GSK3B: variants seen among roughly 807,000 people sequenced by gnomAD.
GSK3B encodes glycogen synthase kinase-3 beta.
In GSK3B, 15 loss-of-function variants were observed where a neutral mutation model predicts 56.4. The observed-to-expected ratio is 0.27, with a 90% CI of 0.18 to 0.41. GSK3B has a LOEUF of 0.41. Among genes scored for constraint, GSK3B ranks in the 10% least tolerant of loss-of-function variants. GSK3B has a pLI of 1.00. For synonymous variants in GSK3B, 181 were observed against 188.9 expected, an observed-to-expected ratio of 0.96 and a Z score of 0.34; for missense variants, 300 against 513.4, an observed-to-expected ratio of 0.58 and a Z score of 4.02.
At chr3:120,069,926 A>T (rs762034334) in intron 1 of GSK3B, among the ~76,000 whole-genome samples, 2 of 152,190 alleles carry the variant, frequency 1.3e-5, no homozygotes, top group African/African-American at 2.4e-5. Context: ...AAATAAATAT[A>T]GGGGAAGGCC....
intron 2 of GSK3B, among the ~76,000 whole-genome samples, chr3:119,969,334 T>C (rs911449082): frequency 1.3e-5 from 2 of 151,688 alleles, no homozygotes; most frequent in Non-Finnish European, 2.9e-5. Context: ...ATAAAACTGT[T>C]ACCAAAAAAG....
chr3:119,965,646 A>G (rs985347483), intron 2 of GSK3B, among the ~76,000 whole-genome samples: 1 of 152,200 alleles, frequency 6.6e-6, no homozygotes, highest in South Asian at 2.1e-4. Context: ...CATCGAAAAC[A>G]CTTTCCATCT....
intron 9 of GSK3B, among the ~76,000 whole-genome samples, chr3:119,856,312 T>C (rs2056022383): frequency 6.6e-6 from 1 of 152,226 alleles, no homozygotes; most frequent in Non-Finnish European, 1.5e-5. Context: ...TTTACTGTCT[T>C]GGTTATATAT....
At chr3:119,838,854 C>A (rs1249806590) in intron 10 of GSK3B, among the ~76,000 whole-genome samples, 1 of 152,216 alleles carries the variant, frequency 6.6e-6, no homozygotes, top group African/African-American at 2.4e-5. Context: ...AGTGGAATTA[C>A]TGAACTAAAA....
chr3:120,051,672 C>T (rs746368251), intron 1 of GSK3B, among the ~76,000 whole-genome samples: 1 of 151,092 alleles, frequency 6.6e-6, no homozygotes, highest in Non-Finnish European at 1.5e-5. Flanking sequence ...GAGGCTGAGG[C>T]ACGAGAATCA....
chr3:119,932,157 T>C lies in GSK3B; in HGVS notation c.367-8674A>G, dbSNP rs149705488. ...TTTTAATAGAATCATGATATAATTT[T>C]AAAAATCTGATGTAATGCAATACAA... On this transcript the variant is annotated intron_variant, in intron 3 of 10. Coordinates refer to ENST00000264235, the MANE Select transcript of GSK3B (RefSeq NM_001146156.2). Among the ~76,000 whole-genome samples the C allele has an allele frequency of 2.5e-3, 383 of 152,296 alleles. 2 individuals are homozygous for C. The highest frequency in any genetic ancestry group is 8.5e-3 in the African/African-American group (353 of 41,554).
At chr3:120,046,910 C>T (rs960877747) in intron 1 of GSK3B, among the ~76,000 whole-genome samples, 7 of 152,264 alleles carry the variant, frequency 4.6e-5, no homozygotes, top group African/African-American at 1.2e-4. Flanking sequence ...CGCTCCCAGC[C>T]TAAACTTTTA....
At chr3:119,874,855 G>A (rs73854732) in intron 8 of GSK3B, among the ~76,000 whole-genome samples, 4 of 152,100 alleles carry the variant, frequency 2.6e-5, no homozygotes, top group Non-Finnish European at 5.9e-5. Flanking sequence ...TAACATGGCT[G>A]AAGTCATAGT....
At chr3:120,079,503 T>A (rs2058399133) in intron 1 of GSK3B, among the ~76,000 whole-genome samples, 1 of 152,120 alleles carries the variant, frequency 6.6e-6, no homozygotes, top group African/African-American at 2.4e-5. Context: ...CAAACGATTC[T>A]CCTGCCTTAG....
chr3:120,042,592 T>A (rs2058072377), intron 1 of GSK3B, among the ~76,000 whole-genome samples: 1 of 152,160 alleles, frequency 6.6e-6, no homozygotes, highest in South Asian at 2.1e-4. Flanking sequence ...ATAGATCACC[T>A]CACTCACTGG....
At chr3:120,064,420 T>A (rs1244505091) in intron 1 of GSK3B, among the ~76,000 whole-genome samples, 1 of 151,434 alleles carries the variant, frequency 6.6e-6, no homozygotes, top group African/African-American at 2.4e-5. Flanking sequence ...TATAGCAGTA[T>A]CCAAAAAGAA....
At chr3:119,958,717 T>A (rs1376393221) in intron 2 of GSK3B, among the ~76,000 whole-genome samples, 8 of 152,004 alleles carry the variant, frequency 5.3e-5, no homozygotes, top group African/African-American at 1.7e-4. Flanking sequence ...TGGAGAATTC[T>A]AAAAACAGAA....
At chr3:119,896,437 A>C (rs907534387) in intron 7 of GSK3B, among the ~76,000 whole-genome samples, 1 of 151,922 alleles carries the variant, frequency 6.6e-6, no homozygotes, top group African/African-American at 2.4e-5. Flanking sequence ...ATACATGTAA[A>C]AATCTGTATA....
At chr3:119,855,427 C>T (rs2056005160) in intron 9 of GSK3B, among the ~76,000 whole-genome samples, 1 of 152,188 alleles carries the variant, frequency 6.6e-6, no homozygotes, top group Non-Finnish European at 1.5e-5. Flanking sequence ...GTGGCGATTC[C>T]TCAAGGATCT....
At chr3:119,967,477 A>T (rs915861463) in intron 2 of GSK3B, among the ~76,000 whole-genome samples, 1 of 152,208 alleles carries the variant, frequency 6.6e-6, no homozygotes, top group Admixed American at 6.5e-5. Context: ...GTAAAGAAGA[A>T]GTTGGAGGAC....
At chr3:120,027,747 T>C (rs535948430) in intron 1 of GSK3B, among the ~76,000 whole-genome samples, 20 of 152,306 alleles carry the variant, frequency 1.3e-4, no homozygotes, top group Admixed American at 2.6e-4. Flanking sequence ...TGAAAACAAA[T>C]GCTACACAAA....
intron 1 of GSK3B, among the ~76,000 whole-genome samples, chr3:120,079,486 C>T (rs1026336823): frequency 6.6e-6 from 1 of 152,036 alleles, no homozygotes; most frequent in African/African-American, 2.4e-5. Context: ...CCTCCACTTC[C>T]CAGGTCCAAA....
chr3:119,973,140 C>T (rs944295823), intron 2 of GSK3B, among the ~76,000 whole-genome samples: 7 of 152,288 alleles, frequency 4.6e-5, no homozygotes, highest in Non-Finnish European at 7.4e-5. Context: ...ATTATATTAA[C>T]CCTAAGTAGT....
At chr3:120,085,250 G>A (rs1373013542) in intron 1 of GSK3B, among the ~76,000 whole-genome samples, 1 of 152,090 alleles carries the variant, frequency 6.6e-6, no homozygotes, top group Non-Finnish European at 1.5e-5. Flanking sequence ...ACAGTACGTT[G>A]CTCTTCTATA....
Sources: allele counts gnomAD v4.1 joint callset (sites outside exome capture counted in the v4.1 genomes callset), GRCh38; gene constraint gnomAD v4.1.1; transcripts MANE v1.5; gene names NCBI Gene and HGNC (gene_info 2026-07-23, HGNC 2026-07-21).